INVS: variants seen among roughly 807,000 people sequenced by gnomAD.
INVS encodes inversin.
Under a neutral mutation model 108.8 loss-of-function variants are expected in INVS, and 86 were observed. That is an observed-to-expected ratio of 0.79 (90% CI 0.66 to 0.95). INVS has a LOEUF of 0.95. Among genes scored for constraint, INVS ranks in the 40% least tolerant of loss-of-function variants. INVS has a pLI of 0.00. For synonymous variants in INVS, 455 were observed against 473.5 expected (o/e 0.96, Z 0.51); for missense variants, 1,169 against 1,297.4 (o/e 0.90, Z 1.52).
intron 2 of INVS, among the ~76,000 whole-genome samples, chr9:100,121,575 C>G (rs546540734): frequency 6.6e-6 from 1 of 152,144 alleles, no homozygotes; most frequent in African/African-American, 2.4e-5. Context: ...ATTCTTGATA[C>G]TGGGAATTTG....
At chr9:100,300,265 T>C (rs916725817) in intron 16 of INVS, among the ~76,000 whole-genome samples, 4 of 152,224 alleles carry the variant, frequency 2.6e-5, no homozygotes, top group African/African-American at 7.2e-5. Flanking sequence ...TAATGTGTTA[T>C]GTGAGAGACC....
intron 3 of INVS, among the ~76,000 whole-genome samples, chr9:100,134,116 A>G (rs1398211896): frequency 6.6e-6 from 1 of 151,692 alleles, no homozygotes; most frequent in African/African-American, 2.4e-5. Flanking sequence ...CCAAGTCCCC[A>G]AAGTCCACTG....
chr9:100,273,459 C>T (rs906305922), intron 12 of INVS, among the ~76,000 whole-genome samples: 6 of 151,294 alleles, frequency 4.0e-5, no homozygotes, highest in African/African-American at 1.5e-4. Flanking sequence ...CCTACTTTCA[C>T]TAGACCAGTC....
intron 10 of INVS, among the ~76,000 whole-genome samples, chr9:100,253,757 GT>G (rs1832320284): frequency 6.6e-6 from 1 of 151,688 alleles, no homozygotes; most frequent in African/African-American, 2.4e-5. Flanking sequence ...TCTTTTTTTT[GT>G]GGCTGCATAG....
chr9:100,122,696 G>C (rs889774293), intron 2 of INVS, among the ~76,000 whole-genome samples: 28 of 140,544 alleles, frequency 2.0e-4, no homozygotes, highest in African/African-American at 7.5e-4. Flanking sequence ...CCATTCTCCT[G>C]CCTCAGCCTC....
chr9:100,121,236 G>A (rs1443703491), intron 2 of INVS, among the ~76,000 whole-genome samples: 1 of 152,126 alleles, frequency 6.6e-6, no homozygotes, highest in East Asian at 1.9e-4. Context: ...TGATTAACTT[G>A]AAGTTAAATG....
At chr9:100,177,292 G>A (rs1288230108) in intron 3 of INVS, among the ~76,000 whole-genome samples, 1 of 152,148 alleles carries the variant, frequency 6.6e-6, no homozygotes, top group Non-Finnish European at 1.5e-5. Context: ...CTCTCCCCTG[G>A]AAAGGGGGCT....
intron 3 of INVS, among the ~76,000 whole-genome samples, chr9:100,147,212 A>G (rs571284195): frequency 5.3e-5 from 8 of 152,322 alleles, no homozygotes; most frequent in South Asian, 4.1e-4. Flanking sequence ...GTAGACCTCT[A>G]TAGGCCCTCT....
chr9:100,138,775 C>T (rs546074892), intron 3 of INVS, among the ~76,000 whole-genome samples: 3 of 148,058 alleles, frequency 2.0e-5, no homozygotes, highest in South Asian at 2.2e-4. Flanking sequence ...AGCACGATCT[C>T]GGCTCACTGC....
At chr9:100,145,329 AAAT>A in intron 3 of INVS, among the ~76,000 whole-genome samples, 1 of 151,922 alleles carries the variant, frequency 6.6e-6, no homozygotes, top group East Asian at 1.9e-4. Flanking sequence ...CAGGGCACAG[AAAT>A]AAGGGATCAG....
chr9:100,109,231 C>G (rs1348395426), intron 2 of INVS, among the ~76,000 whole-genome samples: 1 of 152,154 alleles, frequency 6.6e-6, no homozygotes, highest in East Asian at 1.9e-4. Context: ...ATTTTTAAGC[C>G]TCAGTTTCCT....
intron 3 of INVS, among the ~76,000 whole-genome samples, chr9:100,216,255 G>T (rs1245494595): frequency 6.6e-6 from 1 of 152,140 alleles, no homozygotes; most frequent in East Asian, 1.9e-4. Context: ...TAAAAATACG[G>T]CTAGTCTTTG....
At chr9:100,273,135 G>C in intron 12 of INVS, 59 bp downstream of exon 12, 1 of 1,331,644 alleles carries the variant, frequency 7.5e-7, no homozygotes, top group South Asian at 1.2e-5. Context: ...GGAAGTGGGG[G>C]TGTGGGGGGT....
At chr9:100,238,318 A>G (rs1303686094) in intron 5 of INVS, among the ~76,000 whole-genome samples, 3 of 152,078 alleles carry the variant, frequency 2.0e-5, no homozygotes, top group Admixed American at 6.6e-5. Context: ...TATTGCTCTT[A>G]AGGAGTCTGT....
At chr9:100,250,308 C>G (rs1438735377) in intron 8 of INVS, among the ~76,000 whole-genome samples, 2 of 152,068 alleles carry the variant, frequency 1.3e-5, no homozygotes, top group East Asian at 1.9e-4. Flanking sequence ...CGTGGCTAAT[C>G]TTGTTTTATT....
intron 3 of INVS, among the ~76,000 whole-genome samples, chr9:100,213,988 T>G (rs1293485430): frequency 6.6e-6 from 1 of 152,174 alleles, no homozygotes; most frequent in Non-Finnish European, 1.5e-5. Flanking sequence ...AACCCATCCC[T>G]CAGCCCAGCA....
chr9:100,231,929 A>G (rs1433142548), intron 5 of INVS, among the ~76,000 whole-genome samples: 1 of 152,188 alleles, frequency 6.6e-6, no homozygotes, highest in Non-Finnish European at 1.5e-5. Context: ...GAGTCACCGC[A>G]CTGTCTTCCA....
intron 3 of INVS, among the ~76,000 whole-genome samples, chr9:100,131,544 C>A (rs1020550559): frequency 7.7e-4 from 117 of 152,096 alleles, no homozygotes; most frequent in African/African-American, 2.8e-3. Flanking sequence ...TTGGTCATAC[C>A]TTTTCTGGGC....
intron 3 of INVS, among the ~76,000 whole-genome samples, chr9:100,153,637 A>G (rs1828878069): frequency 6.6e-6 from 1 of 152,240 alleles, no homozygotes; most frequent in Non-Finnish European, 1.5e-5. Flanking sequence ...ATAACAGAAT[A>G]CCACAGACTG....
Sources: gnomAD v4.1 joint callset for allele counts (sites outside exome capture counted in the v4.1 genomes callset) on GRCh38, gnomAD v4.1.1 for gene constraint, MANE v1.5 for transcripts, NCBI Gene and HGNC (gene_info 2026-07-23, HGNC 2026-07-21) for gene names.